Variants in STUB1 observed in about 807,000 individuals in gnomAD.
STUB1 encodes STIP1 homology and U-box containing protein 1.
In STUB1, 37 loss-of-function variants were observed where a neutral mutation model predicts 40.3. The ratio of observed to expected loss-of-function variants is 0.92; its 90% CI spans 0.71 to 1.21. The LOEUF (loss-of-function observed/expected upper bound fraction) is 1.21, where lower values mean the gene tolerates loss of function less well. STUB1 is among the 50% of genes most tolerant of loss of function. The probability of loss-of-function intolerance (pLI) is 0.00; values close to 1 mark genes in which losing one functional copy is unlikely to be tolerated. For missense variants in STUB1, 460 were observed against 421.9 expected (o/e 1.09, Z -0.79); for synonymous variants, 246 against 171.9 (o/e 1.43, Z -3.37).
At position 681,172 on chromosome 16, in the gene STUB1, C is replaced by G. The variant is rs533773727; in HGVS notation, c.180C>G (p.Ala60=). 1.3e-6 allele frequency: 2 copies of G among 1,573,834 alleles called. No homozygotes were observed. Among genetic ancestry groups the G allele is most frequent in the Admixed American group, 1.9e-5 (1 of 53,628 alleles). Residue 60 remains alanine, a synonymous_variant, in exon 2 of 7, where the codon GCC becomes GCG. Transcript: ENST00000219548. ...CCTAGACCCGGAACCCGCTGGTGGC[C>G]GTGTATTACACCAACCGGGCCTTGT... ...GRAITRNPLV[A]VYYTNRALCY... is the part of the protein sequence containing the mutation.
rs2039671141 is a variant in STUB1 at position 681,864 on chromosome 16, G to C, written c.596G>C (p.Cys199Ser). Residue 199 changes from cysteine (C) to serine (S), a missense_variant, in exon 4 of 7, where the codon TGC becomes TCC. Physicochemically the swap from Cys to Ser is moderately radical, Grantham distance 112. Coordinates refer to ENST00000219548, the MANE Select transcript of STUB1 (RefSeq NM_005861.4). ...AGCCACGTCCGGGCCCAGCAGGCCT[G>C]CATTGAGGCCAAGCACGTGAGGGTG... Reference protein sequence around the residue: ...DDSHVRAQQACIEAKHDKYMA... With the variant: ...DDSHVRAQQASIEAKHDKYMA... 6 of 1,612,872 alleles carry C rather than the reference G, an allele frequency of 3.7e-6. No homozygotes were observed. The highest frequency in any genetic ancestry group is 5.1e-6 in the Non-Finnish European group (6 of 1,179,962).
Position 682,515 on chromosome 16 carries a change from G to C in STUB1, c.*26G>C. The stretch of plus-strand genomic sequence containing the variant: ...GGTTCCCTGCCCTACCTGGCGTCCT[G>C]GTCCAGGGGAGCCCTGGGCAGAAGC... On this transcript the variant is annotated 3_prime_UTR_variant, in exon 7 of 7. Coordinates refer to ENST00000219548, the MANE Select transcript of STUB1 (RefSeq NM_005861.4). 4.3e-6 allele frequency: 7 copies of C among 1,612,508 alleles called. No individual in the cohort carries two copies. The highest frequency in any genetic ancestry group is 2.2e-5 in the South Asian group (2 of 91,022).
chr16:680,737 G>GCCCGGGCCCGGCCGGCCCCA lies in STUB1; in HGVS notation c.159+56_159+75dup. On this transcript the variant is annotated intron_variant, in intron 1 of 6. Transcript: ENST00000219548. The surrounding 1 kb of genome is among the most constrained non-coding windows in gnomAD (Gnocchi z 4.9). ...CGGCGGTGGCACCGGGGAGGGCCGGGCCCGGGCCCGGCCGGCCCCACCGAG... is the reference window on the plus strand; with the variant it reads ...CGGCGGTGGCACCGGGGAGGGCCGGGCCCGGGCCCGGCCGGCCCCACCCGGGCCCGGCCGGCCCCACCGAG... The GCCCGGGCCCGGCCGGCCCCA allele has an allele frequency of 8.5e-7, 1 of 1,176,580 alleles. No homozygotes were observed. The highest frequency in any genetic ancestry group is 1.6e-5 in the African/African-American group (1 of 62,122). 72.9% of individuals were successfully genotyped at this position (1,176,580 alleles called of 1,614,324 possible).
In STUB1 at chr16:682,035, G is replaced by A; in HGVS notation, c.628G>A (p.Asp210Asn). Residue 210 changes from aspartate to asparagine, a missense_variant, in exon 5 of 7, where the codon GAC (aspartate) becomes AAC (asparagine). Asp to Asn is a conservative substitution (Grantham distance 23, BLOSUM62 1). Transcript: ENST00000219548. ...CTCTTCACAGGACAAGTACATGGCGGACATGGACGAGCTTTTTTCTCAGGT... is the reference window on the plus strand; with the variant it reads ...CTCTTCACAGGACAAGTACATGGCGAACATGGACGAGCTTTTTTCTCAGGT... ...IEAKHDKYMADMDELFSQVDE... is the reference protein window; with the variant it reads ...IEAKHDKYMANMDELFSQVDE... 3 of 1,592,580 alleles carry A rather than the reference G, an allele frequency of 1.9e-6. No homozygotes were observed. Among genetic ancestry groups the A allele is most frequent in the Non-Finnish European group, 2.6e-6 (3 of 1,164,446 alleles).
chr16:681,888 T>A lies in STUB1; in HGVS notation c.612+8T>A, dbSNP rs1468934230. ...TGCATTGAGGCCAAGCACGTGAGGG[T>A]GCCCCCCACCCACATGTGGGTCTGT... On this transcript the variant is annotated splice_region_variant and intron_variant, in intron 4 of 6. Transcript: ENST00000219548. 2 of 1,612,866 alleles carry A rather than the reference T, an allele frequency of 1.2e-6. No individual in the cohort carries two copies. Among genetic ancestry groups the A allele is most frequent in the South Asian group, 2.2e-5 (2 of 91,068 alleles).
Position 680,531 on chromosome 16 carries a change from G to T in STUB1, c.6G>T (p.Lys2Asn). Residue 2 changes from lysine to asparagine, a missense_variant, in exon 1 of 7, where the codon AAG becomes AAT. Physicochemically the swap from Lys to Asn is moderately conservative, Grantham distance 94. Transcript: ENST00000219548. This position sits in a 1 kb window ranked among gnomAD's most constrained non-coding sequence, Gnocchi z 4.9. The stretch of plus-strand genomic sequence containing the variant: ...AGGCCGTGCCGCGCGGCGCCATGAA[G>T]GGCAAGGAGGAGAAGGAGGGCGGCG... Reference protein sequence around the residue: MKGKEEKEGGAR... With the variant: MNGKEEKEGGAR... 2 of 1,305,338 alleles carry T rather than the reference G, an allele frequency of 1.5e-6. No individual in the cohort carries two copies. The highest frequency in any genetic ancestry group is 2.0e-6 in the Non-Finnish European group (2 of 1,020,044). 80.9% of individuals were successfully genotyped at this position (1,305,338 alleles called of 1,614,324 possible). A position where few individuals can be genotyped will look rare whatever the true frequency, so the allele number is the denominator to read the frequency against.
At position 681,246 on chromosome 16, in the gene STUB1, G is replaced by A. The variant is rs368817535; in HGVS notation, c.254G>A (p.Arg85His). The change falls in exon 2 of 7, where the codon CGC (arginine) becomes CAC (histidine). Residue 85 changes from arginine to histidine, a missense_variant. By Grantham distance (29) the Arg-to-His change is conservative. Coordinates refer to ENST00000219548, the MANE Select transcript of STUB1 (RefSeq NM_005861.4). Reference protein sequence around the residue: ...QHEQALADCRRALELDGQSVK... With the variant: ...QHEQALADCRHALELDGQSVK... ...GAGCAGGCCCTGGCCGACTGCCGGCGCGCCCTGGAGCTGGACGGGCAGTCT... is the reference window on the plus strand; with the variant it reads ...GAGCAGGCCCTGGCCGACTGCCGGCACGCCCTGGAGCTGGACGGGCAGTCT... 79 of 1,612,460 alleles carry A rather than the reference G, an allele frequency of 4.9e-5. No homozygotes were observed. Among genetic ancestry groups the A allele is most frequent in the Non-Finnish European group, 6.2e-5 (73 of 1,179,882 alleles).
In STUB1 at chr16:681,823, G is replaced by A. The variant is rs771194855; in HGVS notation, c.555G>A (p.Glu185=). Residue 185 remains glutamate (E), a synonymous_variant, in exon 4 of 7, where the codon GAG becomes GAA. Coordinates refer to ENST00000219548, the MANE Select transcript of STUB1 (RefSeq NM_005861.4). ...RELEECQRNH[E]GDEDDSHVRA... ...TGGAAGAGTGCCAGCGAAACCACGA[G>A]GGTGATGAGGACGACAGCCACGTCC... The A allele has an allele frequency of 2.5e-6, 4 of 1,608,398 alleles. No individual in the cohort carries two copies. The highest frequency in any genetic ancestry group is 1.3e-5 in the African/African-American group (1 of 74,892).
rs779647632 is a variant in STUB1, at chr16:681,504, CGAA to C, written c.433_435del (p.Lys145del). 9 of 1,612,612 alleles carry C rather than the reference CGAA, an allele frequency of 5.6e-6. No individual in the cohort carries two copies. The highest frequency in any genetic ancestry group is 7.6e-6 in the Non-Finnish European group (9 of 1,179,950). On this transcript the variant is annotated inframe_deletion, in exon 3 of 7. Transcript: ENST00000219548. Reference sequence around the variant, plus strand: ...GACATCCCCAGCGCTCTTCGAATCGCGAAGAAGAAGCGCTGGAACAGCATTGAG... The same window carrying C: ...GACATCCCCAGCGCTCTTCGAATCGCGAAGAAGCGCTGGAACAGCATTGAG...
rs2039646620 is a variant in STUB1, at chr16:681,245, C to T, written c.253C>T (p.Arg85Cys). ...CGAGCAGGCCCTGGCCGACTGCCGGCGCGCCCTGGAGCTGGACGGGCAGTC... is the reference window on the plus strand; with the variant it reads ...CGAGCAGGCCCTGGCCGACTGCCGGTGCGCCCTGGAGCTGGACGGGCAGTC... ...QHEQALADCRRALELDGQSVK... is the reference protein window; with the variant it reads ...QHEQALADCRCALELDGQSVK... Residue 85 changes from arginine (R) to cysteine (C), a missense_variant, in exon 2 of 7, where the codon CGC becomes TGC. Coordinates refer to ENST00000219548, the MANE Select transcript of STUB1 (RefSeq NM_005861.4). 1 of 1,612,502 alleles carries T rather than the reference C, an allele frequency of 6.2e-7. No individual in the cohort carries two copies. The highest frequency in any genetic ancestry group is 1.1e-5 in the South Asian group (1 of 91,022).
At position 680,958 on chromosome 16, in the gene STUB1, A is replaced by C; in HGVS notation, c.160-194A>C. 1 of 713,600 alleles carries C rather than the reference A, an allele frequency of 1.4e-6. No individual in the cohort carries two copies. The highest frequency in any genetic ancestry group is 2.0e-5 in the South Asian group (1 of 49,740). 44.2% of individuals were successfully genotyped at this position (713,600 alleles called of 1,614,324 possible). A position where few individuals can be genotyped will look rare whatever the true frequency, so the allele number is the denominator to read the frequency against. Reference sequence around the variant, plus strand: ...CTCCAAAGATTTGGAAAACTTTACAAAACCAAGTGGAATCAAGCGGATAGG... The same window carrying C: ...CTCCAAAGATTTGGAAAACTTTACACAACCAAGTGGAATCAAGCGGATAGG... On this transcript the variant is annotated intron_variant, in intron 1 of 6. Transcript: ENST00000219548. The surrounding 1 kb of genome is among the most constrained non-coding windows in gnomAD (Gnocchi z 4.9).
intron 2 of STUB1, 26 bp from the exon 3 acceptor site, chr16:681,412 A>C: frequency 6.2e-7 from 1 of 1,609,930 alleles, no homozygotes; most frequent in African/African-American, 1.3e-5. Context: ...CTGGCCAGAG[A>C]GTGACGTGAA....
At position 681,329 on chromosome 16, in the gene STUB1, GC is replaced by G; in HGVS notation, c.339del (p.Ile114SerfsTer16). 1 of 1,612,890 alleles carries G rather than the reference GC, an allele frequency of 6.2e-7. No individual in the cohort carries two copies. ...GCTGGAGATGGAGAGCTATGATGAG[GC>G]CATCGCCAATCTGCAGCGAGGTTGG... is the stretch of plus-strand genomic sequence containing the variant. ...CQLEMESYDEAIANLQRAYSL... is the reference protein window; with the variant it reads ...CQLEMESYDEXIANLQRAYSL... On this transcript the variant is annotated frameshift_variant, in exon 2 of 7. Transcript: ENST00000219548. LOFTEE classifies it high-confidence loss of function.
Position 681,301 on chromosome 16 carries a change from C to T in STUB1, c.309C>T (p.Cys103=). The T allele has an allele frequency of 1.2e-6, 2 of 1,612,920 alleles. No homozygotes were observed. Among genetic ancestry groups the T allele is most frequent in the East Asian group, 2.2e-5 (1 of 44,878 alleles). The stretch of plus-strand genomic sequence containing the variant: ...AGGCGCACTTCTTCCTGGGGCAGTG[C>T]CAGCTGGAGATGGAGAGCTATGATG... ...SVKAHFFLGQ[C]QLEMESYDEA... The change falls in exon 2 of 7, where the codon TGC becomes TGT. Residue 103 remains cysteine, a synonymous_variant. Transcript: ENST00000219548.
Position 682,150 on chromosome 16 carries a change from G to A in STUB1, c.670-15G>A. On this transcript the variant is annotated splice_polypyrimidine_tract_variant and intron_variant, in intron 5 of 6. Transcript: ENST00000219548. ...GCCCCTTTTCAGCCTCTGACCGTGT[G>A]CCCCTGTGCCACAGAAGCGAGACAT... 1.9e-6 allele frequency: 3 copies of A among 1,598,742 alleles called. No individual in the cohort carries two copies. Among genetic ancestry groups the A allele is most frequent in the Non-Finnish European group, 2.6e-6 (3 of 1,167,690 alleles).
chr16:682,304 C>T, intron 6 of STUB1, 23 bp downstream of exon 6: 12 of 1,612,592 alleles, frequency 7.4e-6, no homozygotes, highest in Middle Eastern at 1.6e-4. Context: ...GCTGGGGGAG[C>T]AGGGCCAGTG....
At position 681,783 on chromosome 16, in the gene STUB1, C is replaced by A; in HGVS notation, c.525-10C>A. On this transcript the variant is annotated splice_polypyrimidine_tract_variant and intron_variant, in intron 3 of 6. Coordinates refer to ENST00000219548, the MANE Select transcript of STUB1 (RefSeq NM_005861.4). ...GGTCCATCTCTGACCGGCTCCTGGTCAACCCCCAGGGAGCTGGAAGAGTGC... is the reference window on the plus strand; with the variant it reads ...GGTCCATCTCTGACCGGCTCCTGGTAAACCCCCAGGGAGCTGGAAGAGTGC... 6.3e-7 allele frequency: 1 copy of A among 1,587,156 alleles called. No homozygotes were observed. The highest frequency in any genetic ancestry group is 1.7e-5 in the Admixed American group (1 of 58,866).
At position 682,013 on chromosome 16, in the gene STUB1, T is replaced by G. The variant is rs1344217806; in HGVS notation, c.613-7T>G. 2 of 1,606,896 alleles carry G rather than the reference T, an allele frequency of 1.2e-6. No homozygotes were observed. The highest frequency in any genetic ancestry group is 2.2e-5 in the East Asian group (1 of 44,658). ...CTCCCCCAAGCACAGCACTCAACTCTTCACAGGACAAGTACATGGCGGACA... is the reference window on the plus strand; with the variant it reads ...CTCCCCCAAGCACAGCACTCAACTCGTCACAGGACAAGTACATGGCGGACA... On this transcript the variant is annotated splice_polypyrimidine_tract_variant and splice_region_variant and intron_variant, in intron 4 of 6. Transcript: ENST00000219548.
rs754337645 is a variant in STUB1, at chr16:681,592, G to A, written c.513G>A (p.Ala171=). The change falls in exon 3 of 7, where the codon GCG becomes GCA. Residue 171 remains alanine (A), a synonymous_variant. Coordinates refer to ENST00000219548, the MANE Select transcript of STUB1 (RefSeq NM_005861.4). The part of the protein sequence containing the change: ...LHSYLSRLIA[A]ERERELEECQ... ...CCTACCTCTCCAGGCTCATTGCCGC[G>A]GAGCGTGAGAGGTGGGACCCTCACC... The A allele has an allele frequency of 8.7e-6, 14 of 1,608,206 alleles. No homozygotes were observed. The South Asian group carries it at 9.9e-5, about 11-fold the overall frequency.
Sources: gnomAD v4.1 joint callset for allele counts on GRCh38, gnomAD v4.1.1 for gene constraint, Gnocchi (gnomAD v3.1) non-coding constraint, MANE v1.5 for transcripts, NCBI Gene and HGNC (gene_info 2026-07-23, HGNC 2026-07-21) for gene names.